The following IMMP2L variants were observed in gnomAD, a reference collection of about 807,000 sequenced individuals.
The protein encoded by IMMP2L is mitochondrial inner membrane protease subunit 2.
Under a neutral mutation model 19.3 loss-of-function variants are expected in IMMP2L, and 18 were observed. The observed-to-expected ratio is 0.93, with a 90% CI of 0.64 to 1.38. The LOEUF (loss-of-function observed/expected upper bound fraction) is 1.38, where lower values mean the gene tolerates loss of function less well. Ranked by LOEUF, IMMP2L falls within the 40% of genes most tolerant of loss-of-function variation. IMMP2L has a pLI of 0.00. For missense variants in IMMP2L, 233 were observed against 218.2 expected, an observed-to-expected ratio of 1.07 and a Z score of -0.43; for synonymous variants, 76 against 73.0, an observed-to-expected ratio of 1.04 and a Z score of -0.21.
intron 3 of IMMP2L, among the ~76,000 whole-genome samples, chr7:111,098,803 G>C (rs1797668253): frequency 6.6e-6 from 1 of 151,694 alleles, no homozygotes; most frequent in African/African-American, 2.4e-5. Flanking sequence ...AGGTTAGTTA[G>C]CTCGAAAGAA....
At chr7:110,950,672 A>G (rs1452232311) in intron 4 of IMMP2L, among the ~76,000 whole-genome samples, 1 of 151,672 alleles carries the variant, frequency 6.6e-6, no homozygotes, top group Non-Finnish European at 1.5e-5. Context: ...TATAGAATCA[A>G]CTTACTGACA....
At chr7:111,048,258 A>AAG (rs1563192278) in intron 3 of IMMP2L, among the ~76,000 whole-genome samples, 2 of 148,922 alleles carry the variant, frequency 1.3e-5, no homozygotes, top group African/African-American at 5.1e-5. Flanking sequence ...AAAAAAAAAA[A>AAG]AAAAAAAGAA....
intron 5 of IMMP2L, among the ~76,000 whole-genome samples, chr7:110,663,927 T>C (rs879440144): frequency 6.6e-6 from 1 of 152,184 alleles, no homozygotes; most frequent in Admixed American, 6.5e-5. Flanking sequence ...CTAGGTGCTA[T>C]TGTATATAAA....
chr7:111,461,158 T>C (rs963790693), intron 3 of IMMP2L, among the ~76,000 whole-genome samples: 1 of 152,108 alleles, frequency 6.6e-6, no homozygotes, highest in African/African-American at 2.4e-5. Flanking sequence ...AGGAACTTAT[T>C]AAACATAAGC....
chr7:110,816,120 T>C (rs1802488238), intron 5 of IMMP2L, among the ~76,000 whole-genome samples: 1 of 152,174 alleles, frequency 6.6e-6, no homozygotes, highest in African/African-American at 2.4e-5. Flanking sequence ...TAAATTTTCC[T>C]CTACACATTG....
At chr7:110,928,443 GGAAAT>G (rs1413286841) in intron 4 of IMMP2L, among the ~76,000 whole-genome samples, 3 of 131,026 alleles carry the variant, frequency 2.3e-5, no homozygotes, top group Non-Finnish European at 4.8e-5. Flanking sequence ...AGAGGATAAA[GGAAAT>G]GAAAACCAGA....
chr7:111,317,795 A>G (rs1241095994), intron 3 of IMMP2L, among the ~76,000 whole-genome samples: 1 of 152,200 alleles, frequency 6.6e-6, no homozygotes, highest in Non-Finnish European at 1.5e-5. Context: ...AAACATATTA[A>G]TAATAAGCTT....
At chr7:110,893,198 A>G (rs189348834) in intron 4 of IMMP2L, among the ~76,000 whole-genome samples, 1 of 152,322 alleles carries the variant, frequency 6.6e-6, no homozygotes, top group East Asian at 1.9e-4. Context: ...TAATTTAAAA[A>G]TATTTTATTG....
At chr7:111,290,232 A>C (rs1820938254) in intron 3 of IMMP2L, among the ~76,000 whole-genome samples, 1 of 152,192 alleles carries the variant, frequency 6.6e-6, no homozygotes, top group Non-Finnish European at 1.5e-5. Context: ...TATCATGTGC[A>C]TTAAGTGGAT....
intron 3 of IMMP2L, among the ~76,000 whole-genome samples, chr7:111,242,223 G>C (rs757821374): frequency 2.0e-5 from 3 of 152,018 alleles, no homozygotes; most frequent in Non-Finnish European, 4.4e-5. Context: ...GTTGCTCAGT[G>C]ATCAGTCAGT....
intron 3 of IMMP2L, among the ~76,000 whole-genome samples, chr7:111,032,652 T>C (rs1790943985): frequency 6.6e-6 from 1 of 151,874 alleles, no homozygotes; most frequent in Non-Finnish European, 1.5e-5. Context: ...TGAAACCCCC[T>C]CCCTACTAAA....
At chr7:110,946,639 A>T (rs1817273187) in intron 4 of IMMP2L, among the ~76,000 whole-genome samples, 1 of 152,132 alleles carries the variant, frequency 6.6e-6, no homozygotes, top group Admixed American at 6.5e-5. Context: ...CTAAAAGGCA[A>T]ATCACAAACT....
At chr7:111,179,641 G>A (rs375718567) in intron 3 of IMMP2L, among the ~76,000 whole-genome samples, 6 of 152,006 alleles carry the variant, frequency 3.9e-5, no homozygotes, top group South Asian at 2.1e-4. Context: ...AGCTACATTC[G>A]CTCCTAACAA....
At chr7:110,949,761 T>G (rs1817605085) in intron 4 of IMMP2L, among the ~76,000 whole-genome samples, 1 of 151,856 alleles carries the variant, frequency 6.6e-6, no homozygotes, top group African/African-American at 2.4e-5. Flanking sequence ...AAAAAAACAG[T>G]AAGTGCAATT....
At chr7:111,199,122 T>C (rs866396656) in intron 3 of IMMP2L, among the ~76,000 whole-genome samples, 2 of 152,140 alleles carry the variant, frequency 1.3e-5, no homozygotes, top group African/African-American at 4.8e-5. Context: ...ATTTGTGAAG[T>C]AGGTTTCAAG....
intron 5 of IMMP2L, among the ~76,000 whole-genome samples, chr7:110,784,181 A>C (rs1799922288): frequency 6.6e-6 from 1 of 151,892 alleles, no homozygotes; most frequent in African/African-American, 2.4e-5. Context: ...TCAGTGTTAC[A>C]GTTAGTAATT....
chr7:111,524,169 G>A (rs544144505), intron 1 of IMMP2L, among the ~76,000 whole-genome samples: 1 of 151,898 alleles, frequency 6.6e-6, no homozygotes, highest in Admixed American at 6.6e-5. Context: ...TCTAACCACA[G>A]GTTTAGCAAC....
intron 5 of IMMP2L, among the ~76,000 whole-genome samples, chr7:110,695,853 G>T (rs1448267950): frequency 6.6e-6 from 1 of 152,186 alleles, no homozygotes; most frequent in Admixed American, 6.5e-5. Context: ...GACAAAAGAT[G>T]AATGACAGAT....
At chr7:110,968,320 A>C (rs2129556207) in intron 3 of IMMP2L, among the ~76,000 whole-genome samples, 1 of 152,036 alleles carries the variant, frequency 6.6e-6, no homozygotes, top group South Asian at 2.1e-4. Context: ...ATATAAATTT[A>C]TTTCTCTTGA....
Sources: allele counts gnomAD v4.1 joint callset (sites outside exome capture counted in the v4.1 genomes callset), GRCh38; gene constraint gnomAD v4.1.1; transcripts MANE v1.5; gene names NCBI Gene and HGNC (gene_info 2026-07-23, HGNC 2026-07-21).